The following TNRC6C variants were observed in gnomAD, a reference collection of about 807,000 sequenced individuals.
TNRC6C encodes trinucleotide repeat-containing gene 6C protein.
Under a neutral mutation model 153.7 loss-of-function variants are expected in TNRC6C, and 20 were observed. That is an observed-to-expected ratio of 0.13 (90% confidence interval 0.09 to 0.19). The LOEUF (loss-of-function observed/expected upper bound fraction) is 0.19, where lower values mean the gene tolerates loss of function less well. Ranked by LOEUF, TNRC6C falls within the 10% of genes least tolerant of loss-of-function variation. TNRC6C has a pLI of 1.00. For missense variants in TNRC6C, 1,987 were observed against 2,172.0 expected (o/e 0.91, Z 1.69); for synonymous variants, 811 against 841.4 (o/e 0.96, Z 0.63).
At chr17:78,017,642 C>G (rs1355600107) in intron 1 of TNRC6C, among the ~76,000 whole-genome samples, 1 of 152,246 alleles carries the variant, frequency 6.6e-6, no homozygotes, top group Non-Finnish European at 1.5e-5. Flanking sequence ...GGCAGGAACA[C>G]TGAGGAGTAT....
rs2072916549 is a variant in TNRC6C at position 78,067,984 on chromosome 17, C to T, written c.2778+61C>T. 3.9e-6 allele frequency: 6 copies of T among 1,522,466 alleles called. No homozygotes were observed. In the Admixed American group the frequency reaches 1.3e-4, roughly 33 times the overall value. The allele number at this position is 1,522,466 out of a possible 1,614,324, so 94.3% of individuals were successfully genotyped here. On this transcript the variant is annotated intron_variant, in intron 5 of 19. Coordinates refer to ENST00000301624, the Ensembl canonical transcript of TNRC6C. ...AAACCAAAGGTACTTCAGACACATT[C>T]AGTATCCAGTTAATCAGACAAAAAG...
At chr17:78,043,900 T>C (rs988467686) in intron 2 of TNRC6C, among the ~76,000 whole-genome samples, 1 of 152,206 alleles carries the variant, frequency 6.6e-6, no homozygotes, top group African/African-American at 2.4e-5. Context: ...CAGGATCTTA[T>C]TCTTTTTATG....
chr17:78,072,225 C>T (rs995638417), intron 6 of TNRC6C, among the ~76,000 whole-genome samples: 2 of 152,166 alleles, frequency 1.3e-5, no homozygotes, highest in Non-Finnish European at 2.9e-5. Context: ...GTGGCTTCAG[C>T]GTGTCCTGAT....
intron 11 of TNRC6C, 115 bp downstream of exon 13, chr17:78,083,281 ACT>A (rs140256900): frequency 0.014 from 19,747 of 1,388,354 alleles, 195 homozygotes; most frequent in Non-Finnish European, 0.018. Context: ...TGTCATTGAG[ACT>A]CTCATGAAGT....
intron 8 of TNRC6C, among the ~76,000 whole-genome samples, chr17:78,076,233 GAAAAAA>G (rs899650295): frequency 7.8e-6 from 1 of 128,114 alleles, no homozygotes; most frequent in Admixed American, 7.9e-5. Context: ...AAAAGAAAAA[GAAAAAA>G]AAAAAAGGAA....
intron 9 of TNRC6C, among the ~76,000 whole-genome samples, chr17:78,078,045 CTAAG>C (rs952785314): frequency 2.3e-4 from 35 of 152,330 alleles, no homozygotes; most frequent in Admixed American, 1.2e-3. Context: ...AGACATGTCT[CTAAG>C]TAGACACTGT....
chr17:78,005,601 A>G (rs1354175676), intron 1 of TNRC6C, among the ~76,000 whole-genome samples: 3 of 152,188 alleles, frequency 2.0e-5, no homozygotes, highest in East Asian at 1.9e-4. Flanking sequence ...AGGAACTCCT[A>G]TGATGTGCTG....
Position 78,104,624 on chromosome 17 carries a change from G to T in TNRC6C, c.4852G>T (p.Ala1618Ser). The T allele has an allele frequency of 1.9e-6, 3 of 1,548,200 alleles. No homozygotes were observed. Among genetic ancestry groups the T allele is most frequent in the Non-Finnish European group, 8.7e-7 (1 of 1,146,820 alleles). The change falls in exon 20 of 20, where the codon GCA becomes TCA. Residue 1618 changes from alanine (A) to serine (S), a missense_variant. Physicochemically the swap from Ala to Ser is moderately conservative, Grantham distance 99 (BLOSUM62 1). Around this residue, in one of 4 missense-constraint regions of TNRC6C, gnomAD observed 139 missense variants for 148.5 expected, o/e 0.94. Transcript: ENST00000301624. This position sits in a 1 kb window ranked among gnomAD's most constrained non-coding sequence, Gnocchi z 6.2. The stretch of plus-strand genomic sequence containing the variant: ...CGCGTCCAGCCAGCCGCGGCTCAGC[G>T]CAGCGGGCAGCTCCCATGGCCTGGT...
upstream of TNRC6C, among the ~76,000 whole-genome samples, chr17:78,000,941 A>G (rs2071404187): frequency 6.6e-6 from 1 of 152,106 alleles, no homozygotes; most frequent in Admixed American, 6.5e-5. Flanking sequence ...CTTTTGAATC[A>G]TTATTTCTCT....
rs556137732 is a variant in TNRC6C, at chr17:77,996,768, C to T, written c.-37-7402C>T. Reference sequence around the variant, plus strand: ...CTGTTTGGTTCACATCCAGGGTCATCCCTGAATCTGAGCACTGTGGCCCAG... The same window carrying T: ...CTGTTTGGTTCACATCCAGGGTCATTCCTGAATCTGAGCACTGTGGCCCAG... On this transcript the variant is annotated intron_variant, in intron 1 of 22. Coordinates refer to the TNRC6C transcript ENST00000636222. 1.8e-4 allele frequency among the ~76,000 whole-genome samples: 27 copies of T among 152,270 alleles called. No homozygotes were observed. In the South Asian group the frequency reaches 5.2e-3, roughly 29 times the overall value.
intron 2 of TNRC6C, among the ~76,000 whole-genome samples, chr17:78,038,282 G>A (rs28540792): frequency 2.0e-5 from 3 of 152,076 alleles, no homozygotes; most frequent in East Asian, 1.9e-4. Context: ...CAAGTGTTCC[G>A]ACAAATCAAA....
In TNRC6C at chr17:78,061,346, A is replaced by G. The variant is rs1042947696; in HGVS notation, c.2396-3376A>G. On this transcript the variant is annotated intron_variant, in intron 3 of 19. Coordinates refer to ENST00000301624, the Ensembl canonical transcript of TNRC6C. ...TAACAGTGGAGATTATTTTAATTCT[A>G]TGTACTTAAAATCATTTTCTGTGTG... Among the ~76,000 whole-genome samples, 5 of 152,210 alleles carry G rather than the reference A, an allele frequency of 3.3e-5. No homozygotes were observed. The East Asian group carries it at 5.8e-4, about 18-fold the overall frequency.
intron 17 of TNRC6C, among the ~76,000 whole-genome samples, chr17:78,100,525 C>G (rs77267104): frequency 1.3e-5 from 2 of 152,196 alleles, no homozygotes; most frequent in African/African-American, 4.8e-5. Context: ...ACTGGAGCGG[C>G]TGGGACACAA....
chr17:78,001,044 G>A (rs907698545), upstream of TNRC6C, among the ~76,000 whole-genome samples: 1 of 152,132 alleles, frequency 6.6e-6, no homozygotes, highest in Non-Finnish European at 1.5e-5. Context: ...TACCCACAGA[G>A]GCCCATTTGT....
At chr17:78,006,610 C>T (rs60301901) in intron 1 of TNRC6C, among the ~76,000 whole-genome samples, 3 of 139,530 alleles carry the variant, frequency 2.2e-5, no homozygotes, top group South Asian at 2.3e-4. Flanking sequence ...CTCCTTCTTC[C>T]TTCTTCTTCT....
chr17:78,020,668 C>T (rs953159435), intron 1 of TNRC6C, among the ~76,000 whole-genome samples: 4 of 152,096 alleles, frequency 2.6e-5, no homozygotes, highest in African/African-American at 4.8e-5. Flanking sequence ...AAGTAACAGG[C>T]GGAATTACTT....
At chr17:78,024,426 G>GC (rs1300681460) in intron 1 of TNRC6C, among the ~76,000 whole-genome samples, 1 of 151,966 alleles carries the variant, frequency 6.6e-6, no homozygotes, top group Non-Finnish European at 1.5e-5. Flanking sequence ...GAGTGCAGTG[G>GC]CCCGATCTTG....
chr17:77,977,108 T>A (rs1267784797), intron 1 of TNRC6C, among the ~76,000 whole-genome samples: 1 of 152,112 alleles, frequency 6.6e-6, no homozygotes, highest in African/African-American at 2.4e-5. Flanking sequence ...ACTTTCTAAC[T>A]TTTATAATGA....
chr17:78,013,180 A>G (rs1035450195), intron 1 of TNRC6C, among the ~76,000 whole-genome samples: 13 of 152,222 alleles, frequency 8.5e-5, no homozygotes, highest in African/African-American at 3.1e-4. Flanking sequence ...TAGCTCATAG[A>G]GTCCTTGAAC....
Sources: gnomAD v4.1 joint callset for allele counts (sites outside exome capture counted in the v4.1 genomes callset) on GRCh38, gnomAD v4.1.1 for gene constraint, gnomAD v4.1.1 regional missense constraint, Gnocchi (gnomAD v3.1) non-coding constraint, MANE v1.5 for transcripts, NCBI Gene and HGNC (gene_info 2026-07-23, HGNC 2026-07-21) for gene names.